The following NFIA variants were observed in gnomAD, a reference collection of about 807,000 sequenced individuals.
NFIA encodes the protein nuclear factor I A.
In NFIA, 8 loss-of-function variants were observed where a neutral mutation model predicts 62.8. The ratio of observed to expected loss-of-function variants is 0.13; its 90% CI spans 0.07 to 0.23. The LOEUF (loss-of-function observed/expected upper bound fraction) is 0.23, where lower values mean the gene tolerates loss of function less well. Among genes scored for constraint, NFIA ranks in the 10% least tolerant of loss-of-function variants. NFIA has a pLI of 1.00. For synonymous variants in NFIA, 235 were observed against 238.1 expected, an observed-to-expected ratio of 0.99 and a Z score of 0.12; for missense variants, 410 against 642.1, an observed-to-expected ratio of 0.64 and a Z score of 3.91.
chr1:61,430,979 T>A (rs2100560219), intron 10 of NFIA, among the ~76,000 whole-genome samples: 1 of 152,266 alleles, frequency 6.6e-6, no homozygotes, highest in Admixed American at 6.5e-5. Context: ...TTGTCCCACC[T>A]TGAATCTCTT....
rs548975231 is a variant in NFIA at position 61,350,457 on chromosome 1, C to T, written c.701-1993C>T. Among the ~76,000 whole-genome samples the T allele has an allele frequency of 4.6e-5, 7 of 152,172 alleles. No individual in the cohort carries two copies. The East Asian group carries it at 1.4e-3, about 29-fold the overall frequency. ...ACCAGCCTGGGCATTATGGTAAGGA[C>T]CCATCTCTACAAAAGAAATTTTTAA... On this transcript the variant is annotated intron_variant, in intron 4 of 10. Transcript: ENST00000403491.
In NFIA at chr1:61,088,404, G is replaced by T; in HGVS notation, c.283G>T (p.Val95Phe). The T allele has an allele frequency of 6.2e-7, 1 of 1,613,912 alleles. No individual in the cohort carries two copies. The highest frequency in any genetic ancestry group is 8.5e-7 in the Non-Finnish European group (1 of 1,179,948). ...PEYREDFVLT[V>F]TGKKPPCCVL... is the part of the protein sequence containing the mutation. ...ATATCGAGAGGATTTTGTTCTTACA[G>T]TTACAGGGAAAAAACCTCCATGTTG... is the stretch of plus-strand genomic sequence containing the variant. Residue 95 changes from valine to phenylalanine, a missense_variant, in exon 2 of 11, where the codon GTT (valine) becomes TTT (phenylalanine). This residue lies in a region of NFIA where 86 missense variants were observed against 124.6 expected (regional missense o/e 0.69). Transcript: ENST00000403491. This position sits in a 1 kb window ranked among gnomAD's most constrained non-coding sequence, Gnocchi z 4.5.
At chr1:61,211,535 C>T (rs907383836) in intron 2 of NFIA, among the ~76,000 whole-genome samples, 4 of 152,078 alleles carry the variant, frequency 2.6e-5, no homozygotes, top group South Asian at 2.1e-4. Context: ...TTATCATTGC[C>T]GTTTTATAGA....
intron 2 of NFIA, among the ~76,000 whole-genome samples, chr1:61,257,862 T>G (rs1234629878): frequency 2.3e-5 from 1 of 43,340 alleles, no homozygotes. Context: ...TGCTTAGCTG[T>G]TTTTTTTTTT....
intron 6 of NFIA, among the ~76,000 whole-genome samples, chr1:61,377,823 T>C (rs529656852): frequency 1.1e-4 from 16 of 152,314 alleles, no homozygotes; most frequent in African/African-American, 3.6e-4. Context: ...AACAGGAGAA[T>C]GAATTTTTGG....
Position 61,455,482 on chromosome 1 carries a change from G to A in NFIA, c.*162G>A. 8.7e-7 allele frequency: 1 copy of A among 1,151,664 alleles called. No homozygotes were observed. The highest frequency in any genetic ancestry group is 1.4e-5 in the South Asian group (1 of 71,210). 71.3% of individuals were successfully genotyped at this position (1,151,664 alleles called of 1,614,324 possible). A position where few individuals can be genotyped will look rare whatever the true frequency, so the allele number is the denominator to read the frequency against. ...TGTACATGGAAACAGCAAGCATTAT[G>A]GTCAAACAGCAAAGGCCATAACCTT... On this transcript the variant is annotated 3_prime_UTR_variant, in exon 11 of 11. Coordinates refer to ENST00000403491, the MANE Select transcript of NFIA (RefSeq NM_001134673.4).
At position 61,404,409 on chromosome 1, in the gene NFIA, A is replaced by C. The variant is rs573510669; in HGVS notation, c.1254+127A>C. On this transcript the variant is annotated intron_variant, in intron 8 of 10. Coordinates refer to ENST00000403491, the MANE Select transcript of NFIA (RefSeq NM_001134673.4). ...TGCTGACTGACTGCAGGCAAATGTC[A>C]TATTTATTCTAGATTGTGGGAAAGT... The C allele has an allele frequency of 4.1e-6, 4 of 968,568 alleles. No homozygotes were observed. In the Admixed American group the frequency reaches 8.7e-5, roughly 21 times the overall value. The allele number at this position is 968,568 out of a possible 1,614,324, so 60.0% of individuals were successfully genotyped here. A position where few individuals can be genotyped will look rare whatever the true frequency, so the allele number is the denominator to read the frequency against.
intron 2 of NFIA, among the ~76,000 whole-genome samples, chr1:61,107,457 G>A (rs950934070): frequency 1.6e-4 from 7 of 42,574 alleles, no homozygotes; most frequent in African/African-American, 5.1e-4. Context: ...TTTTGTATAT[G>A]TATGAGCCAC....
chr1:61,222,780 T>G (rs890402810), intron 2 of NFIA, among the ~76,000 whole-genome samples: 2 of 152,074 alleles, frequency 1.3e-5, no homozygotes, highest in African/African-American at 4.8e-5. Context: ...GATATGTATA[T>G]CTCCAGTGAG....
upstream of NFIA, among the ~76,000 whole-genome samples, chr1:61,080,805 G>T (rs987793202): frequency 6.6e-6 from 1 of 152,186 alleles, no homozygotes; most frequent in African/African-American, 2.4e-5. Context: ...GAGCATTCGG[G>T]AATTATTTTG....
chr1:61,277,563 C>T lies in NFIA; in HGVS notation c.603C>T (p.Asp201=), dbSNP rs778332096. The change falls in exon 3 of 11, where the codon GAC becomes GAT. Residue 201 remains aspartate, a synonymous_variant. Coordinates refer to ENST00000403491, the MANE Select transcript of NFIA (RefSeq NM_001134673.4). ...GTCCCAGCCAGCCAAGTGACGCTGACATTAAGGACCAGCCAGAAAATGGTA... is the reference window on the plus strand; with the variant it reads ...GTCCCAGCCAGCCAAGTGACGCTGATATTAAGGACCAGCCAGAAAATGGTA... The part of the protein sequence containing the change: ...SESPSQPSDA[D]IKDQPENGHL... 4 of 1,613,784 alleles carry T rather than the reference C, an allele frequency of 2.5e-6. No homozygotes were observed. The highest frequency in any genetic ancestry group is 2.2e-5 in the East Asian group (1 of 44,884).
chr1:61,363,602 C>CAA (rs10624027), intron 6 of NFIA, among the ~76,000 whole-genome samples: 60,969 of 141,450 alleles, frequency 0.43, 13,826 homozygotes, highest in East Asian at 0.65. Flanking sequence ...AAAACTCCGT[C>CAA]AAAAAAAAAA....
intron 4 of NFIA, among the ~76,000 whole-genome samples, chr1:61,338,533 T>C (rs1378957432): frequency 6.6e-6 from 1 of 152,268 alleles, no homozygotes; most frequent in Non-Finnish European, 1.5e-5. Flanking sequence ...CGTTTTCAAG[T>C]ACCCATATTC....
chr1:61,384,840 T>A (rs1664596233), intron 7 of NFIA, among the ~76,000 whole-genome samples: 1 of 152,104 alleles, frequency 6.6e-6, no homozygotes, highest in Non-Finnish European at 1.5e-5. Context: ...TAAACAAGGA[T>A]TTACTGAGTG....
At chr1:61,083,453 G>T (rs1646156722) in intron 1 of NFIA, among the ~76,000 whole-genome samples, 1 of 152,104 alleles carries the variant, frequency 6.6e-6, no homozygotes, top group Non-Finnish European at 1.5e-5. Flanking sequence ...GAAAGGACGC[G>T]GGCTCCCGTC....
chr1:61,202,400 A>G (rs1238408422), intron 2 of NFIA, among the ~76,000 whole-genome samples: 2 of 152,204 alleles, frequency 1.3e-5, no homozygotes, highest in Admixed American at 6.5e-5. Context: ...AGTTGACAGG[A>G]GAGTACATCC....
intron 2 of NFIA, among the ~76,000 whole-genome samples, chr1:61,115,866 G>A (rs188075457): frequency 2.1e-4 from 32 of 152,244 alleles, no homozygotes; most frequent in African/African-American, 6.5e-4. Flanking sequence ...GAAACCTCAC[G>A]TTCCCTCGAT....
At chr1:61,447,181 A>G (rs911070537) in intron 10 of NFIA, among the ~76,000 whole-genome samples, 13 of 152,250 alleles carry the variant, frequency 8.5e-5, no homozygotes, top group African/African-American at 3.1e-4. Flanking sequence ...TGTGAAAATC[A>G]AAAATTACAA....
In NFIA at chr1:61,447,727, G is replaced by A. The variant is rs546741259; in HGVS notation, c.1513-7576G>A. On this transcript the variant is annotated intron_variant, in intron 10 of 10. Transcript: ENST00000403491. ...TTTTTCATGAAAAAGCAGGAAATAA[G>A]CTGTCTCTTTCATAAAAAGATTTAC... 1.1e-4 allele frequency among the ~76,000 whole-genome samples: 16 copies of A among 152,266 alleles called. No individual in the cohort carries two copies. The East Asian group carries it at 1.7e-3, about 17-fold the overall frequency.
Sources: gnomAD v4.1 joint callset for allele counts (sites outside exome capture counted in the v4.1 genomes callset) on GRCh38, gnomAD v4.1.1 for gene constraint, gnomAD v4.1.1 regional missense constraint, Gnocchi (gnomAD v3.1) non-coding constraint, MANE v1.5 for transcripts, NCBI Gene and HGNC (gene_info 2026-07-23, HGNC 2026-07-21) for gene names.